TTC7A: variants seen among roughly 807,000 people sequenced by gnomAD.
TTC7A encodes the protein tetratricopeptide repeat domain 7A, also known as tetratricopeptide repeat protein 7A.
A neutral mutation model predicts 103.7 loss-of-function variants in TTC7A; 110 were observed. That is an observed-to-expected ratio of 1.06 (90% CI 0.91 to 1.24). The LOEUF (loss-of-function observed/expected upper bound fraction) is 1.24, where lower values mean the gene tolerates loss of function less well. Ranked by LOEUF, TTC7A falls within the 50% of genes most tolerant of loss-of-function variation. The probability of loss-of-function intolerance (pLI) is 0.00; values close to 1 mark genes in which losing one functional copy is unlikely to be tolerated. For missense variants in TTC7A, 1,340 were observed against 1,116.3 expected (o/e 1.20, Z -2.86); for synonymous variants, 521 against 467.9 (o/e 1.11, Z -1.47).
intron 19 of TTC7A, 114 bp downstream of exon 19, chr2:47,061,085 C>T (rs1204667397): frequency 8.7e-7 from 1 of 1,150,466 alleles, no homozygotes; most frequent in Non-Finnish European, 1.2e-6. Context: ...CTTGCTACTG[C>T]TGTTCCCTGG....
chr2:47,008,236 G>A (rs944381780), intron 10 of TTC7A, among the ~76,000 whole-genome samples: 18 of 152,294 alleles, frequency 1.2e-4, no homozygotes, highest in Admixed American at 3.3e-4. Flanking sequence ...GCAGTGGTTC[G>A]CACCCTTCTG....
intron 5 of TTC7A, among the ~76,000 whole-genome samples, chr2:46,986,541 C>T (rs2104332342): frequency 1.3e-5 from 2 of 151,644 alleles, no homozygotes; most frequent in Non-Finnish European, 2.9e-5. Flanking sequence ...GGTGGGGGTG[C>T]TGCCTGGGGT....
At chr2:46,918,779 C>T (rs1668949184) in intron 2 of TTC7A, among the ~76,000 whole-genome samples, 1 of 152,154 alleles carries the variant, frequency 6.6e-6, no homozygotes, top group South Asian at 2.1e-4. Context: ...GTGAGTGTTG[C>T]CTTTTTTAGT....
chr2:47,034,648 G>A (rs1222603031), intron 15 of TTC7A, among the ~76,000 whole-genome samples: 1 of 152,144 alleles, frequency 6.6e-6, no homozygotes, highest in African/African-American at 2.4e-5. Context: ...CTGGCAGTCT[G>A]CCAGGCTGGT....
At chr2:47,024,160 G>C (rs1679613925) in intron 13 of TTC7A, 127 bp from the exon 14 acceptor site, 12 of 788,798 alleles carry the variant, frequency 1.5e-5, no homozygotes, top group Non-Finnish European at 2.1e-5. Flanking sequence ...CTGAGGCAGA[G>C]CCTGGCAGAA....
chr2:46,967,302 C>T (rs1672947533), intron 3 of TTC7A, among the ~76,000 whole-genome samples: 1 of 152,210 alleles, frequency 6.6e-6, no homozygotes, highest in Non-Finnish European at 1.5e-5. Context: ...CACTGTTGTG[C>T]AACCAATCTC....
chr2:47,021,285 C>A (rs1252421875), intron 11 of TTC7A, among the ~76,000 whole-genome samples: 1 of 152,218 alleles, frequency 6.6e-6, no homozygotes, highest in Non-Finnish European at 1.5e-5. Flanking sequence ...AGAGTGTCCC[C>A]AGGCCCACCT....
chr2:47,003,520 G>A (rs1382125574), intron 8 of TTC7A, among the ~76,000 whole-genome samples: 1 of 152,160 alleles, frequency 6.6e-6, no homozygotes, highest in Non-Finnish European at 1.5e-5. Flanking sequence ...CCAGAAAGGA[G>A]TTTAGATTTT....
intron 15 of TTC7A, among the ~76,000 whole-genome samples, chr2:47,043,237 T>C (rs907329097): frequency 1.3e-5 from 2 of 151,916 alleles, no homozygotes; most frequent in African/African-American, 4.8e-5. Context: ...CTGTTGGAAG[T>C]GGGAGAAAGT....
chr2:47,070,833 C>G (rs987179617), intron 19 of TTC7A, among the ~76,000 whole-genome samples: 3 of 152,168 alleles, frequency 2.0e-5, no homozygotes, highest in Non-Finnish European at 4.4e-5. Context: ...GATGTCTGAT[C>G]ACCATAAACA....
chr2:47,044,140 C>T (rs1345505668), intron 15 of TTC7A, among the ~76,000 whole-genome samples: 1 of 152,184 alleles, frequency 6.6e-6, no homozygotes, highest in African/African-American at 2.4e-5. Flanking sequence ...GCCCCACCCT[C>T]CACACCGGAG....
At chr2:47,001,909 G>A (rs1351689186) in intron 8 of TTC7A, among the ~76,000 whole-genome samples, 2 of 151,906 alleles carry the variant, frequency 1.3e-5, no homozygotes, top group African/African-American at 4.8e-5. Flanking sequence ...CATAGGGCTG[G>A]CTGTTTGACC....
At chr2:46,950,218 T>G in intron 1 of TTC7A, 145 bp from the exon 2 acceptor site, 2 of 712,916 alleles carry the variant, frequency 2.8e-6, no homozygotes, top group Non-Finnish European at 4.5e-6. Context: ...CTGTTGAAAT[T>G]TATGAAAAAT....
At chr2:47,049,679 C>T (rs772014725) in intron 16 of TTC7A, among the ~76,000 whole-genome samples, 1 of 152,108 alleles carries the variant, frequency 6.6e-6, no homozygotes, top group Non-Finnish European at 1.5e-5. Context: ...TCTGGCCTTA[C>T]CCACTTCAGA....
rs144998751 is a variant in TTC7A at position 47,046,427 on chromosome 2, C to G, written c.1915C>G (p.Leu639Val). ...LWQTLYSFSQ[L>V]GGLEKDGSFG... The stretch of plus-strand genomic sequence containing the variant: ...GCAGACCCTGTACAGCTTCTCCCAG[C>G]TGGGGTGAGTGGCCGTCATTGTCTC... The change falls in exon 16 of 20, where the codon CTG becomes GTG. Residue 639 changes from leucine to valine, a missense_variant. Transcript: ENST00000319190. 3.9e-5 allele frequency: 63 copies of G among 1,613,500 alleles called. No homozygotes were observed. The highest frequency in any genetic ancestry group is 5.0e-5 in the Non-Finnish European group (59 of 1,179,564).
At chr2:46,974,336 C>T (rs551997191) in intron 3 of TTC7A, among the ~76,000 whole-genome samples, 62 of 152,352 alleles carry the variant, frequency 4.1e-4, no homozygotes, top group African/African-American at 1.4e-3. Flanking sequence ...GCCTTGGTGC[C>T]TTACCTACCA....
rs538125581 is a variant in TTC7A, at chr2:46,917,846, G to A, written c.82+569G>A. ...TCACTTAGAAACACTTTCTTCTCTT[G>A]TTTTCTGACACCACACACTCTGGGT... On this transcript the variant is annotated intron_variant, in intron 2 of 20. Transcript: ENST00000409245. Among the ~76,000 whole-genome samples, 301 of 152,210 alleles carry A rather than the reference G, an allele frequency of 2.0e-3. 3 individuals carry two copies. The highest frequency in any genetic ancestry group is 0.019 in the South Asian group (90 of 4,822).
At chr2:46,984,892 G>T (rs1356317176) in intron 5 of TTC7A, among the ~76,000 whole-genome samples, 1 of 152,156 alleles carries the variant, frequency 6.6e-6, no homozygotes. Context: ...CAGCCCGTGG[G>T]TGTGTGGGAG....
At chr2:47,033,204 G>T (rs541513638) in intron 15 of TTC7A, among the ~76,000 whole-genome samples, 1 of 152,294 alleles carries the variant, frequency 6.6e-6, no homozygotes, top group South Asian at 2.1e-4. Flanking sequence ...TGTTGCCAAG[G>T]CAGTTAATTA....
Sources: gnomAD v4.1 joint callset for allele counts (sites outside exome capture counted in the v4.1 genomes callset) on GRCh38, gnomAD v4.1.1 for gene constraint, MANE v1.5 for transcripts, NCBI Gene and HGNC (gene_info 2026-07-23, HGNC 2026-07-21) for gene names.